The following TRIM16 variants were observed in gnomAD, a reference collection of about 807,000 sequenced individuals.
TRIM16 encodes tripartite motif-containing protein 16.
A neutral mutation model predicts 50.4 loss-of-function variants in TRIM16; 33 were observed. That is an observed-to-expected ratio of 0.65 (90% confidence interval 0.50 to 0.88). The LOEUF is 0.88. TRIM16 is among the 40% of genes least tolerant of loss of function. TRIM16 has a pLI of 0.00. For synonymous variants in TRIM16, 229 were observed against 270.7 expected (o/e 0.85, Z 1.51); for missense variants, 581 against 686.8 (o/e 0.85, Z 1.72).
Position 15,628,963 on chromosome 17 carries a change from G to T in TRIM16, c.1347C>A (p.Ile449=). The T allele has an allele frequency of 3.1e-6, 5 of 1,614,178 alleles. No homozygotes were observed. The highest frequency in any genetic ancestry group is 4.2e-6 in the Non-Finnish European group (5 of 1,180,032). The change falls in exon 12 of 12, where the codon ATC becomes ATA. Residue 449 remains isoleucine, a synonymous_variant. Coordinates refer to ENST00000649191, the MANE Select transcript of TRIM16 (RefSeq NM_001348119.1). ...TGTTGCGCTCCTCCCCTTTCCGGTC[G>T]ATGCCTTTGCAGGTCAGGCCAACAT... The part of the protein sequence containing the change: ...GTYVGLTCKG[I]DRKGEERNSC...
Position 15,632,691 on chromosome 17 carries a change from A to G in TRIM16, c.850-17T>C. 1 of 1,554,086 alleles carries G rather than the reference A, an allele frequency of 6.4e-7. No individual in the cohort carries two copies. The highest frequency in any genetic ancestry group is 1.2e-5 in the South Asian group (1 of 81,492). On this transcript the variant is annotated splice_polypyrimidine_tract_variant and intron_variant, in intron 9 of 11. Coordinates refer to ENST00000649191, the MANE Select transcript of TRIM16 (RefSeq NM_001348119.1). ...GCAGTACTCCTGCAGAAAAGGAAACAGCAGAACTTGCTGTGGTTTCTGTAT... is the reference window on the plus strand; with the variant it reads ...GCAGTACTCCTGCAGAAAAGGAAACGGCAGAACTTGCTGTGGTTTCTGTAT...
chr17:15,665,335 C>G (rs1379419531), intron 6 of TRIM16, among the ~76,000 whole-genome samples: 1 of 152,026 alleles, frequency 6.6e-6, no homozygotes, highest in Non-Finnish European at 1.5e-5. Flanking sequence ...CAGTGAAACC[C>G]CATCTCTACT....
chr17:15,659,564 C>T (rs1353447374), intron 6 of TRIM16, among the ~76,000 whole-genome samples: 2 of 152,248 alleles, frequency 1.3e-5, no homozygotes, highest in African/African-American at 2.4e-5. Flanking sequence ...TCTGTAATAA[C>T]TCTAACATTG....
chr17:15,678,484 C>T (rs1854510374), intron 4 of TRIM16, among the ~76,000 whole-genome samples: 1 of 152,170 alleles, frequency 6.6e-6, no homozygotes, highest in Non-Finnish European at 1.5e-5. Flanking sequence ...GCGCCCTTTC[C>T]AGGCCTGACT....
At position 15,651,237 on chromosome 17, in the gene TRIM16, C is replaced by T; in HGVS notation, c.373G>A (p.Asp125Asn). 6.2e-7 allele frequency: 1 copy of T among 1,614,244 alleles called. No homozygotes were observed. Among genetic ancestry groups the T allele is most frequent in the Non-Finnish European group, 8.5e-7 (1 of 1,180,042 alleles). Residue 125 changes from aspartate to asparagine, a missense_variant, in exon 7 of 12, where the codon GAC becomes AAC. Asp to Asn is a conservative substitution (Grantham distance 23). Coordinates refer to ENST00000649191, the MANE Select transcript of TRIM16 (RefSeq NM_001348119.1). Reference protein sequence around the residue: ...QSHLLTEPVKDHNWRYCPAHH... With the variant: ...QSHLLTEPVKNHNWRYCPAHH... ...GCAGGGCAGTATCGCCAGTTGTGGT[C>T]CTTCACTGGCTCGGTCAGCAGGTGG... is the stretch of plus-strand genomic sequence containing the variant.
intron 11 of TRIM16, among the ~76,000 whole-genome samples, chr17:15,630,658 A>T (rs3785644): frequency 0.23 from 34,630 of 148,570 alleles, 4,101 homozygotes; most frequent in East Asian, 0.31. Flanking sequence ...TTGTTTAAAA[A>T]TTTTTTTTTT....
intron 9 of TRIM16, among the ~76,000 whole-genome samples, chr17:15,633,779 A>G (rs535539768): frequency 6.6e-6 from 1 of 150,828 alleles, no homozygotes; most frequent in African/African-American, 2.4e-5. Context: ...TGACCTCATG[A>G]TCTGCCGGCC....
intron 6 of TRIM16, among the ~76,000 whole-genome samples, chr17:15,662,434 T>C (rs770513816): frequency 9.8e-5 from 15 of 152,310 alleles, no homozygotes; most frequent in Admixed American, 5.2e-4. Flanking sequence ...TTAAACTTCT[T>C]AGTTGATACT....
chr17:15,661,771 G>T (rs1240030637), intron 6 of TRIM16, among the ~76,000 whole-genome samples: 1 of 152,188 alleles, frequency 6.6e-6, no homozygotes, highest in Non-Finnish European at 1.5e-5. Context: ...ATGGAAGCTG[G>T]CTTGAGAGCA....
chr17:15,665,366 G>A (rs163370), intron 6 of TRIM16, among the ~76,000 whole-genome samples: 91,886 of 135,656 alleles, frequency 0.68, 28,732 homozygotes, highest in African/African-American at 0.79. Flanking sequence ...AAAATTAGCC[G>A]GGCATGGTGG....
chr17:15,646,931 T>C, intron 7 of TRIM16, among the ~76,000 whole-genome samples: 1 of 151,718 alleles, frequency 6.6e-6, no homozygotes. Flanking sequence ...TACGTAATAC[T>C]GAGTCCTGGG....
At chr17:15,668,299 G>A (rs1234225966) in intron 6 of TRIM16, among the ~76,000 whole-genome samples, 3 of 152,166 alleles carry the variant, frequency 2.0e-5, no homozygotes, top group African/African-American at 4.8e-5. Context: ...ATTGTTCACT[G>A]CCTGAAAATA....
At chr17:15,657,460 G>C (rs1988031103) in intron 6 of TRIM16, among the ~76,000 whole-genome samples, 1 of 152,022 alleles carries the variant, frequency 6.6e-6, no homozygotes, top group African/African-American at 2.4e-5. Context: ...ACACTGTTGT[G>C]CAGTTGTCAC....
intron 6 of TRIM16, among the ~76,000 whole-genome samples, chr17:15,652,403 C>A (rs556727849): frequency 1.6e-4 from 23 of 147,424 alleles, no homozygotes; most frequent in Non-Finnish European, 3.0e-4. Context: ...TCGTGATCCA[C>A]CCGCCTCGGC....
At chr17:15,678,546 T>G (rs1162426382) in intron 4 of TRIM16, among the ~76,000 whole-genome samples, 1 of 152,190 alleles carries the variant, frequency 6.6e-6, no homozygotes, top group Non-Finnish European at 1.5e-5. Context: ...GGTAGGGCCA[T>G]GAGCCCCAGA....
chr17:15,660,922 A>G (rs1015589187), intron 6 of TRIM16, among the ~76,000 whole-genome samples: 1 of 144,290 alleles, frequency 6.9e-6, no homozygotes, highest in African/African-American at 2.7e-5. Flanking sequence ...AAAAAAAAAA[A>G]GAACACAGAG....
At chr17:15,647,263 C>T (rs1987437162) in intron 7 of TRIM16, among the ~76,000 whole-genome samples, 2 of 152,200 alleles carry the variant, frequency 1.3e-5, no homozygotes, top group Admixed American at 6.5e-5. Flanking sequence ...TGAGCCACCG[C>T]GCCCGGCCCA....
Position 15,628,683 on chromosome 17 carries a change from T to C in TRIM16, c.1627A>G (p.Ile543Val), listed in dbSNP as rs144491694. Residue 543 changes from isoleucine (I) to valine (V), a missense_variant, in exon 12 of 12, where the codon ATC becomes GTC. Ile to Val is a conservative substitution (Grantham distance 29). Transcript: ENST00000649191. ...AFWLSKKENA[I>V]RIVDLGEEPE... is the part of the protein sequence containing the mutation. ...TCCTCTCCCAGATCTACAATCCGGA[T>C]GGCGTTTTCCTTCTTGGAAAGCCAG... The C allele has an allele frequency of 5.5e-5, 89 of 1,614,048 alleles. No homozygotes were observed. In the African/African-American group the frequency reaches 1.1e-3, roughly 20 times the overall value.
At position 15,674,099 on chromosome 17, in the gene TRIM16, C is replaced by T. The variant is rs528785393; in HGVS notation, c.-338+3077G>A. Reference sequence around the variant, plus strand: ...AACAGAAGACACAATAGGCCGGGCGCGGTGGCTCACGCCTGTAATCCCAGC... The same window carrying T: ...AACAGAAGACACAATAGGCCGGGCGTGGTGGCTCACGCCTGTAATCCCAGC... On this transcript the variant is annotated intron_variant, in intron 6 of 11. Transcript: ENST00000649191. 5.3e-5 allele frequency among the ~76,000 whole-genome samples: 8 copies of T among 152,238 alleles called. No homozygotes were observed. The South Asian group carries it at 1.5e-3, about 28-fold the overall frequency.
Sources: allele counts gnomAD v4.1 joint callset (sites outside exome capture counted in the v4.1 genomes callset), GRCh38; gene constraint gnomAD v4.1.1; transcripts MANE v1.5; gene names NCBI Gene and HGNC (gene_info 2026-07-23, HGNC 2026-07-21).